Variants in DLGAP4 observed in about 807,000 individuals in gnomAD.
DLGAP4 encodes disks large-associated protein 4.
In DLGAP4, 18 loss-of-function variants were observed where a neutral mutation model predicts 86.9. The ratio of observed to expected loss-of-function variants is 0.21; its 90% confidence interval spans 0.14 to 0.31. The LOEUF (loss-of-function observed/expected upper bound fraction) is 0.31, where lower values mean the gene tolerates loss of function less well. DLGAP4 is among the 10% of genes least tolerant of loss of function. DLGAP4 has a pLI of 1.00. For synonymous variants in DLGAP4, 548 were observed against 574.3 expected (o/e 0.95, Z 0.65); for missense variants, 1,085 against 1,362.6 (o/e 0.80, Z 3.21).
chr20:36,325,324 T>G (rs977144253), intron 1 of DLGAP4, among the ~76,000 whole-genome samples: 4 of 152,226 alleles, frequency 2.6e-5, no homozygotes, highest in African/African-American at 9.6e-5. Context: ...TATAACATAT[T>G]TTGCATAACT....
At chr20:36,309,209 G>A (rs2065031842) in intron 1 of DLGAP4, among the ~76,000 whole-genome samples, 1 of 152,192 alleles carries the variant, frequency 6.6e-6, no homozygotes, top group South Asian at 2.1e-4. Flanking sequence ...CCCAGGCCAG[G>A]CTGTGTCACT....
At chr20:36,480,603 C>A (rs932763207) in intron 7 of DLGAP4, among the ~76,000 whole-genome samples, 9 of 152,024 alleles carry the variant, frequency 5.9e-5, no homozygotes, top group African/African-American at 9.7e-5. Flanking sequence ...CCTAGCTACT[C>A]GGGAGGCTGA....
intron 7 of DLGAP4, among the ~76,000 whole-genome samples, chr20:36,474,774 C>G (rs1228688790): frequency 6.6e-6 from 1 of 152,144 alleles, no homozygotes; most frequent in East Asian, 1.9e-4. Context: ...GGATTGGGCT[C>G]CTCCCTCCTT....
chr20:36,443,178 C>T (rs1252806714), intron 6 of DLGAP4, among the ~76,000 whole-genome samples: 3 of 152,166 alleles, frequency 2.0e-5, no homozygotes, highest in Non-Finnish European at 4.4e-5. Context: ...GATCCCTTGG[C>T]TTTTCTCCTT....
chr20:36,343,867 G>GT (rs1441142298), intron 1 of DLGAP4, among the ~76,000 whole-genome samples: 2 of 152,222 alleles, frequency 1.3e-5, no homozygotes, highest in Admixed American at 1.3e-4. Context: ...CTGCTGGCCC[G>GT]TGGCTACAGC....
At chr20:36,521,305 A>C (rs995874978) in intron 10 of DLGAP4, among the ~76,000 whole-genome samples, 16 of 151,804 alleles carry the variant, frequency 1.1e-4, no homozygotes, top group African/African-American at 3.6e-4. Flanking sequence ...CCCTTTTAGA[A>C]CTCTGATAGA....
chr20:36,516,022 C>T (rs955362955), intron 10 of DLGAP4, among the ~76,000 whole-genome samples: 15 of 152,284 alleles, frequency 9.9e-5, no homozygotes, highest in Admixed American at 9.8e-4. Flanking sequence ...TGCTGGATCC[C>T]AGCATCCTAA....
chr20:36,516,687 A>C (rs1302363444), intron 10 of DLGAP4, among the ~76,000 whole-genome samples: 2 of 151,828 alleles, frequency 1.3e-5, no homozygotes, highest in African/African-American at 2.4e-5. Context: ...AAAAAAAAAA[A>C]AAAATTGACA....
chr20:36,400,548 A>G (rs2032126243), intron 2 of DLGAP4, among the ~76,000 whole-genome samples: 1 of 152,190 alleles, frequency 6.6e-6, no homozygotes, highest in African/African-American at 2.4e-5. Flanking sequence ...TCAGGAGAAT[A>G]AAAGGGGACA....
At position 36,525,833 on chromosome 20, in the gene DLGAP4, TC is replaced by T. The variant is rs1192047553; in HGVS notation, c.2605-14del. The stretch of plus-strand genomic sequence containing the variant: ...GCCTCTGCTGAGCTGGCCCCACTGA[TC>T]CCCATCTGGCCCACAGAACCCTGAT... On this transcript the variant is annotated splice_polypyrimidine_tract_variant and intron_variant, in intron 11 of 12. Transcript: ENST00000339266. 6.2e-7 allele frequency: 1 copy of T among 1,611,012 alleles called. No homozygotes were observed. The highest frequency in any genetic ancestry group is 1.3e-5 in the African/African-American group (1 of 74,684).
intron 2 of DLGAP4, among the ~76,000 whole-genome samples, chr20:36,396,347 A>ACGCACG (rs1569484497): frequency 4.2e-5 from 5 of 119,320 alleles, no homozygotes; most frequent in African/African-American, 1.7e-4. Context: ...GCACACACAC[A>ACGCACG]CACACATACC....
chr20:36,462,451 GC>G (rs1051695479), intron 7 of DLGAP4: 4 of 1,532,180 alleles, frequency 2.6e-6, no homozygotes, highest in East Asian at 2.6e-5. Context: ...GGGGCCCTTG[GC>G]CCCCCCTTGC....
chr20:36,411,095 A>T (rs563869523), intron 2 of DLGAP4, among the ~76,000 whole-genome samples: 2 of 152,202 alleles, frequency 1.3e-5, no homozygotes, highest in South Asian at 4.1e-4. Flanking sequence ...GGTTCAAGCA[A>T]TTCTCCTGCC....
In DLGAP4 at chr20:36,499,605, A is replaced by C; in HGVS notation, c.2028A>C (p.Pro676=). Residue 676 remains proline, a synonymous_variant, in exon 9 of 13, where the codon CCA becomes CCC. Coordinates refer to ENST00000339266, the MANE Select transcript of DLGAP4 (RefSeq NM_001365621.2). The part of the protein sequence containing the change: ...SIGIQVDCIQ[P]VPKEEPSPAT... ...TCAATAAGGTTGACTGCATTCAGCC[A>C]GTGCCAAAAGAGGAGCCCAGTCCCG... is the stretch of plus-strand genomic sequence containing the variant. 1 of 1,614,062 alleles carries C rather than the reference A, an allele frequency of 6.2e-7. No individual in the cohort carries two copies. The highest frequency in any genetic ancestry group is 1.3e-5 in the African/African-American group (1 of 75,040).
intron 11 of DLGAP4, among the ~76,000 whole-genome samples, chr20:36,525,244 A>C (rs1465045274): frequency 1.3e-5 from 1 of 79,924 alleles, no homozygotes; most frequent in African/African-American, 3.3e-5. Flanking sequence ...AAAAAAAAAA[A>C]AAAAAAAAAA....
chr20:36,316,814 T>C (rs2065105096), intron 1 of DLGAP4, among the ~76,000 whole-genome samples: 1 of 151,964 alleles, frequency 6.6e-6, no homozygotes, highest in Non-Finnish European at 1.5e-5. Context: ...AGCCCGTCAC[T>C]CCTCTCCTCC....
chr20:36,370,988 C>A (rs1435323522), intron 2 of DLGAP4, among the ~76,000 whole-genome samples: 1 of 152,202 alleles, frequency 6.6e-6, no homozygotes, highest in Non-Finnish European at 1.5e-5. Flanking sequence ...TCAGAACAAC[C>A]TTGTGGGATT....
intron 1 of DLGAP4, among the ~76,000 whole-genome samples, chr20:36,313,608 G>C (rs1401848504): frequency 1.3e-5 from 2 of 152,140 alleles, no homozygotes; most frequent in Non-Finnish European, 2.9e-5. Flanking sequence ...TGCTGCTGGG[G>C]GGGCAGGGCC....
intron 7 of DLGAP4, among the ~76,000 whole-genome samples, chr20:36,454,022 G>A (rs1316824195): frequency 6.9e-6 from 1 of 145,608 alleles, no homozygotes; most frequent in Non-Finnish European, 1.5e-5. Flanking sequence ...TGTAATCCCA[G>A]CATTTTGGGA....
Sources: gnomAD v4.1 joint callset for allele counts (sites outside exome capture counted in the v4.1 genomes callset) on GRCh38, gnomAD v4.1.1 for gene constraint, MANE v1.5 for transcripts, NCBI Gene and HGNC (gene_info 2026-07-23, HGNC 2026-07-21) for gene names.